Variants in ATP2B4 observed in about 807,000 individuals in gnomAD.
ATP2B4 encodes ATPase plasma membrane Ca2+ transporting 4, also known as plasma membrane calcium-transporting ATPase 4.
ATP2B4 carries 39 observed loss-of-function variants against 110.3 expected under a neutral mutation model. The ratio of observed to expected loss-of-function variants is 0.35; its 90% CI spans 0.27 to 0.46. The LOEUF (loss-of-function observed/expected upper bound fraction) is 0.46, where lower values mean the gene tolerates loss of function less well. ATP2B4 is among the 20% of genes least tolerant of loss of function. The pLI, the probability that ATP2B4 is intolerant of heterozygous loss-of-function variation, is 1.00. For missense variants in ATP2B4, 1,135 were observed against 1,530.9 expected, an observed-to-expected ratio of 0.74 and a Z score of 4.32; for synonymous variants, 538 against 571.7, an observed-to-expected ratio of 0.94 and a Z score of 0.84.
intron 1 of ATP2B4, among the ~76,000 whole-genome samples, chr1:203,641,237 C>T (rs1330675296): frequency 6.6e-6 from 1 of 152,222 alleles, no homozygotes; most frequent in Non-Finnish European, 1.5e-5. Context: ...GTGGCCTTCC[C>T]ACTTAGCTCT....
At chr1:203,660,394 A>G (rs1414798957) in intron 1 of ATP2B4, among the ~76,000 whole-genome samples, 1 of 151,456 alleles carries the variant, frequency 6.6e-6, no homozygotes, top group Non-Finnish European at 1.5e-5. Context: ...AATGCACGCC[A>G]TTGGGGTGAG....
At chr1:203,714,811 T>C (rs1458309926) in intron 15 of ATP2B4, among the ~76,000 whole-genome samples, 2 of 152,166 alleles carry the variant, frequency 1.3e-5, no homozygotes, top group Non-Finnish European at 2.9e-5. Flanking sequence ...CCAGATTCTA[T>C]CCTCACACTC....
intron 1 of ATP2B4, among the ~76,000 whole-genome samples, chr1:203,660,426 G>A (rs942955045): frequency 5.3e-5 from 8 of 151,626 alleles, no homozygotes; most frequent in Non-Finnish European, 1.2e-4. Context: ...TGGGGTGGTG[G>A]AGATAAAAAA....
intron 2 of ATP2B4, among the ~76,000 whole-genome samples, chr1:203,686,509 C>G (rs1413980311): frequency 6.6e-6 from 1 of 152,012 alleles, no homozygotes; most frequent in African/African-American, 2.4e-5. Flanking sequence ...AGCTAATGCT[C>G]TTGGATCCTT....
rs534261083 is a variant in ATP2B4, at chr1:203,675,023, C to T, written c.-464-7719C>T. ...TGCGCCTGGCCTCATCTTAATAATA[C>T]TGATGCCATTTCAAGATGGAGCCAG... On this transcript the variant is annotated intron_variant, in intron 1 of 20. Coordinates refer to ENST00000357681, the MANE Select transcript of ATP2B4 (RefSeq NM_001684.5). Among the ~76,000 whole-genome samples the T allele has an allele frequency of 9.8e-5, 15 of 152,294 alleles. No individual in the cohort carries two copies. The South Asian group carries it at 2.5e-3, about 25-fold the overall frequency.
At position 203,703,816 on chromosome 1, in the gene ATP2B4, G is replaced by T; in HGVS notation, c.1099+3G>T. The stretch of plus-strand genomic sequence containing the variant: ...GGCTGTTCAGATTGGGAAAGCCGGT[G>T]AGTAGGGTAGAGCCTCGTTGTGGTT... On this transcript the variant is annotated splice_donor_region_variant and intron_variant, in intron 8 of 20. Transcript: ENST00000357681. 1 of 1,613,522 alleles carries T rather than the reference G, an allele frequency of 6.2e-7. No individual in the cohort carries two copies. Among genetic ancestry groups the T allele is most frequent in the South Asian group, 1.1e-5 (1 of 90,984 alleles).
chr1:203,719,597 C>T (rs149041356), intron 15 of ATP2B4, among the ~76,000 whole-genome samples: 1 of 152,060 alleles, frequency 6.6e-6, no homozygotes, highest in East Asian at 1.9e-4. Context: ...GTAATCCCAG[C>T]CACTCAGGAG....
At chr1:203,723,457 T>TCTCTCTCTCTCTCTCTCTCTCTCCCTCC (rs1407579331) in intron 18 of ATP2B4, among the ~76,000 whole-genome samples, 1 of 113,500 alleles carries the variant, frequency 8.8e-6, no homozygotes, top group African/African-American at 3.9e-5. Flanking sequence ...TCTCTCTCTC[T>TCTCTCTCTCTCTCTCTCTCTCTCCCTCC]CTCCCTCTGC....
intron 2 of ATP2B4, among the ~76,000 whole-genome samples, chr1:203,693,860 A>G (rs576972614): frequency 9.2e-5 from 14 of 152,292 alleles, no homozygotes; most frequent in African/African-American, 3.4e-4. Context: ...CTTCAGTGCT[A>G]AAACCTGGCA....
intron 1 of ATP2B4, chr1:203,657,814 A>T (rs1453154831): frequency 3.7e-6 from 2 of 537,150 alleles, no homozygotes; most frequent in Non-Finnish European, 6.6e-6. Flanking sequence ...AAACACTCTC[A>T]ATTTTAAGGT....
At chr1:203,648,205 C>T (rs1663865645) in intron 1 of ATP2B4, among the ~76,000 whole-genome samples, 1 of 152,050 alleles carries the variant, frequency 6.6e-6, no homozygotes, top group South Asian at 2.1e-4. Flanking sequence ...GATTTCCTGC[C>T]TTCATTCTCT....
intron 1 of ATP2B4, among the ~76,000 whole-genome samples, chr1:203,663,199 T>C (rs1664400769): frequency 6.6e-6 from 1 of 152,250 alleles, no homozygotes. Context: ...TCAATATTTC[T>C]GGATGTGCTG....
intron 1 of ATP2B4, among the ~76,000 whole-genome samples, chr1:203,671,708 C>T (rs1024880749): frequency 6.6e-6 from 1 of 152,234 alleles, no homozygotes; most frequent in African/African-American, 2.4e-5. Flanking sequence ...TGCATGCTGA[C>T]TCTGTGATGC....
chr1:203,628,796 C>T (rs1476109455), intron 1 of ATP2B4, among the ~76,000 whole-genome samples: 1 of 151,658 alleles, frequency 6.6e-6, no homozygotes, highest in Non-Finnish European at 1.5e-5. Context: ...AGGGGCTGGG[C>T]CAGGAGTGTT....
At chr1:203,658,369 A>T (rs1217610435) in intron 1 of ATP2B4, among the ~76,000 whole-genome samples, 3 of 118,468 alleles carry the variant, frequency 2.5e-5, no homozygotes, top group African/African-American at 7.5e-5. Context: ...AATAAAAATT[A>T]AAAAAAAAAA....
chr1:203,678,879 G>A (rs142192223), intron 1 of ATP2B4, among the ~76,000 whole-genome samples: 17 of 152,248 alleles, frequency 1.1e-4, no homozygotes, highest in Middle Eastern at 3.4e-3. Flanking sequence ...TGTAAGGTGG[G>A]GGTCACAGCT....
chr1:203,663,466 A>G (rs1664410184), intron 1 of ATP2B4, among the ~76,000 whole-genome samples: 1 of 152,180 alleles, frequency 6.6e-6, no homozygotes, highest in African/African-American at 2.4e-5. Flanking sequence ...ACATACATTC[A>G]GCATGTCTCA....
At chr1:203,689,512 G>A (rs1665301890) in intron 2 of ATP2B4, among the ~76,000 whole-genome samples, 1 of 152,210 alleles carries the variant, frequency 6.6e-6, no homozygotes. Flanking sequence ...AAAGGCTGAA[G>A]GCTATTTTGG....
chr1:203,629,121 C>G lies in ATP2B4; in HGVS notation c.-465+1902C>G, dbSNP rs1049043734. ...CTCGGGGCTGGGGATGCAACAGGAA[C>G]GATTTGATTTTCACTTTGAGGTGTT... On this transcript the variant is annotated intron_variant, in intron 1 of 20. Coordinates refer to ENST00000357681, the MANE Select transcript of ATP2B4 (RefSeq NM_001684.5). This position sits in a 1 kb window ranked among gnomAD's most constrained non-coding sequence, Gnocchi z 4.6. 6.6e-6 allele frequency among the ~76,000 whole-genome samples: 1 copy of G among 152,120 alleles called. No individual in the cohort carries two copies. Among genetic ancestry groups the G allele is most frequent in the Non-Finnish European group, 1.5e-5 (1 of 68,018 alleles).
Sources: gnomAD v4.1 joint callset for allele counts (sites outside exome capture counted in the v4.1 genomes callset) on GRCh38, gnomAD v4.1.1 for gene constraint, Gnocchi (gnomAD v3.1) non-coding constraint, MANE v1.5 for transcripts, NCBI Gene and HGNC (gene_info 2026-07-23, HGNC 2026-07-21) for gene names.